The following PALS2 variants were observed in gnomAD, a reference collection of about 807,000 sequenced individuals.
PALS2 encodes protein PALS2.
Under a neutral mutation model 61.6 loss-of-function variants are expected in PALS2, and 27 were observed. The ratio of observed to expected loss-of-function variants is 0.44; its 90% CI spans 0.32 to 0.60. The LOEUF is 0.60. Among genes scored for constraint, PALS2 ranks in the 20% least tolerant of loss-of-function variants. The pLI, the probability that PALS2 is intolerant of heterozygous loss-of-function variation, is 0.05. For missense variants in PALS2, 554 were observed against 639.4 expected (o/e 0.87, Z 1.44); for synonymous variants, 236 against 218.6 (o/e 1.08, Z -0.70).
intron 3 of PALS2, among the ~76,000 whole-genome samples, chr7:24,642,761 T>C (rs1429941252): frequency 6.6e-6 from 1 of 152,150 alleles, no homozygotes; most frequent in African/African-American, 2.4e-5. Flanking sequence ...AATTAGTGTC[T>C]TAGGTACAAA....
chr7:24,673,284 T>A (rs998962759), intron 9 of PALS2, among the ~76,000 whole-genome samples: 1 of 152,226 alleles, frequency 6.6e-6, no homozygotes, highest in African/African-American at 2.4e-5. Flanking sequence ...TTTTTTTGTA[T>A]ACTTCTAGAT....
chr7:24,678,796 G>A (rs1452408717), intron 9 of PALS2, among the ~76,000 whole-genome samples: 1 of 152,052 alleles, frequency 6.6e-6, no homozygotes, highest in Non-Finnish European at 1.5e-5. Context: ...AATTTTATTT[G>A]GGGGACTACC....
At chr7:24,611,526 C>G (rs551751705) in intron 1 of PALS2, among the ~76,000 whole-genome samples, 1 of 151,524 alleles carries the variant, frequency 6.6e-6, no homozygotes, top group African/African-American at 2.4e-5. Context: ...CAGATGTGGC[C>G]TAGTTGTTGG....
chr7:24,666,179 A>G (rs1279369981), intron 8 of PALS2, 90 bp downstream of exon 8: 3 of 1,132,240 alleles, frequency 2.6e-6, no homozygotes, highest in Non-Finnish European at 3.9e-6. Flanking sequence ...GCTTTAAGTG[A>G]GTGTAATTCA....
intron 1 of PALS2, among the ~76,000 whole-genome samples, chr7:24,582,766 G>A (rs1782893716): frequency 6.6e-6 from 1 of 150,994 alleles, no homozygotes; most frequent in African/African-American, 2.4e-5. Context: ...GAGCTAGAAG[G>A]TATAAGAAAC....
chr7:24,632,677 G>A (rs1420529104), intron 2 of PALS2, among the ~76,000 whole-genome samples: 4 of 152,094 alleles, frequency 2.6e-5, no homozygotes, highest in Non-Finnish European at 4.4e-5. Flanking sequence ...GTGAGCCACC[G>A]CATCCAGCCA....
chr7:24,671,752 C>T (rs925096370), intron 9 of PALS2, among the ~76,000 whole-genome samples: 1 of 152,026 alleles, frequency 6.6e-6, no homozygotes, highest in Non-Finnish European at 1.5e-5. Flanking sequence ...TATTCTTTTG[C>T]TTGCACTTAT....
At chr7:24,587,233 G>A (rs1169554812) in intron 1 of PALS2, among the ~76,000 whole-genome samples, 4 of 152,148 alleles carry the variant, frequency 2.6e-5, no homozygotes, top group East Asian at 3.9e-4. Flanking sequence ...GACGAAGGAC[G>A]TTAACTGGAA....
chr7:24,654,052 C>G (rs538343333), intron 5 of PALS2, among the ~76,000 whole-genome samples: 11 of 152,260 alleles, frequency 7.2e-5, no homozygotes, highest in African/African-American at 2.6e-4. Flanking sequence ...AGAATTTTAA[C>G]TGCTTTTAAA....
chr7:24,580,949 T>C (rs1390740565), intron 1 of PALS2, among the ~76,000 whole-genome samples: 3 of 152,194 alleles, frequency 2.0e-5, no homozygotes. Flanking sequence ...CTAAAATCTT[T>C]TTATGATTGT....
At chr7:24,655,544 C>T (rs922524217) in intron 5 of PALS2, among the ~76,000 whole-genome samples, 5 of 150,682 alleles carry the variant, frequency 3.3e-5, no homozygotes, top group Non-Finnish European at 7.4e-5. Flanking sequence ...CTAATTGAAT[C>T]GACAAAAGCA....
chr7:24,693,901 C>G lies in PALS2; in HGVS notation c.*6287C>G, dbSNP rs947858672. Reference sequence around the variant, plus strand: ...GTGGGAATTTTTTATTCTTCCTTTTCCCCCCACGCCAGTTCGTTTTGGTAA... The same window carrying G: ...GTGGGAATTTTTTATTCTTCCTTTTGCCCCCACGCCAGTTCGTTTTGGTAA... On this transcript the variant is annotated 3_prime_UTR_variant, in exon 12 of 12. Coordinates refer to ENST00000222644, the MANE Select transcript of PALS2 (RefSeq NM_001303037.2). 6.6e-6 allele frequency: 1 copy of G among 151,964 alleles called. No individual in the cohort carries two copies. The highest frequency in any genetic ancestry group is 2.4e-5 in the African/African-American group (1 of 41,382). The allele number at this position is 151,964 out of a possible 1,614,324, so 9.4% of individuals were successfully genotyped here. A position where few individuals can be genotyped will look rare whatever the true frequency, so the allele number is the denominator to read the frequency against.
At chr7:24,639,354 C>A (rs2128069338) in intron 2 of PALS2, among the ~76,000 whole-genome samples, 1 of 151,892 alleles carries the variant, frequency 6.6e-6, no homozygotes, top group African/African-American at 2.4e-5. Context: ...CCTTTTTTTG[C>A]ATCAGTTTCT....
intron 1 of PALS2, among the ~76,000 whole-genome samples, chr7:24,582,950 A>G (rs1180953847): frequency 8.0e-6 from 1 of 125,580 alleles, no homozygotes; most frequent in African/African-American, 3.1e-5. Context: ...GCTAGAGTGC[A>G]GTGGCGTGAT....
chr7:24,637,598 A>G (rs1440515441), intron 2 of PALS2, among the ~76,000 whole-genome samples: 1 of 152,192 alleles, frequency 6.6e-6, no homozygotes, highest in Non-Finnish European at 1.5e-5. Flanking sequence ...AACAAAATTT[A>G]TGATATGGTC....
intron 1 of PALS2, among the ~76,000 whole-genome samples, chr7:24,592,617 C>T (rs187286202): frequency 7.2e-5 from 11 of 152,046 alleles, no homozygotes; most frequent in African/African-American, 2.4e-4. Context: ...TCAGAGATAT[C>T]ACGGGTTCAG....
At chr7:24,612,980 C>G (rs1437177868) in intron 1 of PALS2, among the ~76,000 whole-genome samples, 1 of 151,740 alleles carries the variant, frequency 6.6e-6, no homozygotes, top group Non-Finnish European at 1.5e-5. Context: ...TCTGTTTTTA[C>G]TAAGGTAAGG....
intron 9 of PALS2, among the ~76,000 whole-genome samples, 189 bp from the exon 10 acceptor site, chr7:24,678,942 C>T (rs76756504): frequency 0.039 from 5,886 of 152,176 alleles, 154 homozygotes; most frequent in Non-Finnish European, 0.058. Flanking sequence ...ATGTATGATA[C>T]ATAAACAAAT....
chr7:24,650,447 T>C (rs550431403), intron 4 of PALS2, 38 bp from the exon 5 acceptor site: 1 of 1,468,674 alleles, frequency 6.8e-7, no homozygotes. Flanking sequence ...CATTTCTCCC[T>C]AATAATTAAT....
Sources: allele counts gnomAD v4.1 joint callset (sites outside exome capture counted in the v4.1 genomes callset), GRCh38; gene constraint gnomAD v4.1.1; transcripts MANE v1.5; gene names NCBI Gene and HGNC (gene_info 2026-07-23, HGNC 2026-07-21).